Variants in LAMA4 observed in about 807,000 individuals in gnomAD.
The protein encoded by LAMA4 is laminin subunit alpha-4.
In LAMA4, 127 loss-of-function variants were observed where a neutral mutation model predicts 207.1. That is an observed-to-expected ratio of 0.61 (90% confidence interval 0.53 to 0.71). The LOEUF (loss-of-function observed/expected upper bound fraction) is 0.71, where lower values mean the gene tolerates loss of function less well. Among genes scored for constraint, LAMA4 ranks in the 30% least tolerant of loss-of-function variants. The pLI, the probability that LAMA4 is intolerant of heterozygous loss-of-function variation, is 0.00. For missense variants in LAMA4, 2,093 were observed against 2,246.5 expected, an observed-to-expected ratio of 0.93 and a Z score of 1.38; for synonymous variants, 761 against 816.0, an observed-to-expected ratio of 0.93 and a Z score of 1.15.
chr6:112,145,249 G>A (rs1229827202), intron 18 of LAMA4, among the ~76,000 whole-genome samples: 1 of 152,200 alleles, frequency 6.6e-6, no homozygotes, highest in Non-Finnish European at 1.5e-5. Context: ...CTGCCCTGCC[G>A]ATGCCATGCA....
intron 19 of LAMA4, among the ~76,000 whole-genome samples, chr6:112,143,556 T>C (rs1333938036): frequency 1.3e-5 from 2 of 152,322 alleles, no homozygotes; most frequent in African/African-American, 2.4e-5. Context: ...AGTGCTGAGA[T>C]TACAGGCATG....
intron 14 of LAMA4, among the ~76,000 whole-genome samples, chr6:112,157,679 A>T (rs1338639679): frequency 6.6e-6 from 1 of 152,216 alleles, no homozygotes; most frequent in African/African-American, 2.4e-5. Context: ...AATGAATGGG[A>T]TGTAGGTACA....
intron 18 of LAMA4, among the ~76,000 whole-genome samples, 153 bp downstream of exon 18, chr6:112,148,004 G>A (rs1583715414): frequency 6.6e-6 from 1 of 152,130 alleles, no homozygotes; most frequent in African/African-American, 2.4e-5. Flanking sequence ...ATAGATAGAT[G>A]AACAGTGCAA....
chr6:112,119,345 G>C (rs1554325327), intron 33 of LAMA4, 34 bp from the exon 34 acceptor site: 1 of 1,608,924 alleles, frequency 6.2e-7, no homozygotes. Context: ...CACATCTCAG[G>C]TACATTCCAA....
At chr6:112,230,873 T>A (rs1267658605) in intron 2 of LAMA4, among the ~76,000 whole-genome samples, 1 of 152,226 alleles carries the variant, frequency 6.6e-6, no homozygotes, top group Non-Finnish European at 1.5e-5. Flanking sequence ...AAGGACTGTA[T>A]CTAATTCTTA....
At chr6:112,211,081 G>T (rs1031531712) in intron 3 of LAMA4, among the ~76,000 whole-genome samples, 1 of 151,888 alleles carries the variant, frequency 6.6e-6, no homozygotes, top group Non-Finnish European at 1.5e-5. Context: ...CAATGTGCAC[G>T]TGAATCCCCT....
intron 9 of LAMA4, among the ~76,000 whole-genome samples, chr6:112,183,950 CA>C (rs782424211): frequency 0.032 from 2,651 of 81,700 alleles, 50 homozygotes; most frequent in African/African-American, 0.11. Flanking sequence ...GACTCCATCT[CA>C]AAAAAAAAAA....
intron 19 of LAMA4, 125 bp from the exon 20 acceptor site, chr6:112,142,417 C>G: frequency 2.4e-6 from 2 of 845,476 alleles, no homozygotes; most frequent in Non-Finnish European, 4.0e-6. Context: ...TAGTTATTTA[C>G]CACATCCTCC....
At chr6:112,219,915 T>G (rs183734211) in intron 2 of LAMA4, among the ~76,000 whole-genome samples, 1 of 152,172 alleles carries the variant, frequency 6.6e-6, no homozygotes, top group Non-Finnish European at 1.5e-5. Context: ...TCCTTCATTT[T>G]TTCCCTCAAG....
At chr6:112,131,339 T>G (rs1326703218) in intron 28 of LAMA4, among the ~76,000 whole-genome samples, 1 of 152,172 alleles carries the variant, frequency 6.6e-6, no homozygotes, top group East Asian at 1.9e-4. Flanking sequence ...CTGAAAATTT[T>G]TGATGACTTT....
At position 112,117,475 on chromosome 6, in the gene LAMA4, T is replaced by C. The variant is rs1360349831; in HGVS notation, c.4981+264A>G. On this transcript the variant is annotated intron_variant, in intron 35 of 38. Coordinates refer to ENST00000230538, the MANE Select transcript of LAMA4 (RefSeq NM_001105206.3). The surrounding 1 kb of genome is among the most constrained non-coding windows in gnomAD (Gnocchi z 4.5). Reference sequence around the variant, plus strand: ...ACATGGATCAGGCCACGGAGCAGCATAGACATTCTAAAGGAGCCCAGGTGG... The same window carrying C: ...ACATGGATCAGGCCACGGAGCAGCACAGACATTCTAAAGGAGCCCAGGTGG... Among the ~76,000 whole-genome samples, 1 of 152,102 alleles carries C rather than the reference T, an allele frequency of 6.6e-6. No individual in the cohort carries two copies. Among genetic ancestry groups the C allele is most frequent in the Admixed American group, 6.6e-5 (1 of 15,266 alleles).
chr6:112,114,294 C>T (rs1219080573), intron 37 of LAMA4, 99 bp from the exon 38 acceptor site: 3 of 1,201,590 alleles, frequency 2.5e-6, no homozygotes, highest in Non-Finnish European at 2.5e-6. Context: ...TTATTTATTC[C>T]AGAATAAAAC....
intron 2 of LAMA4, among the ~76,000 whole-genome samples, chr6:112,222,171 T>G (rs1226009193): frequency 1.3e-5 from 2 of 152,242 alleles, no homozygotes; most frequent in Non-Finnish European, 2.9e-5. Flanking sequence ...AGACAATTAC[T>G]CACGCATCCT....
chr6:112,164,842 G>T (rs941237119), intron 13 of LAMA4, among the ~76,000 whole-genome samples: 7 of 152,190 alleles, frequency 4.6e-5, no homozygotes, highest in African/African-American at 1.4e-4. Context: ...ATTCAGTGGC[G>T]CAATGCCTGT....
intron 5 of LAMA4, 143 bp downstream of exon 5, chr6:112,201,465 G>A: frequency 1.3e-6 from 1 of 793,280 alleles, no homozygotes; most frequent in Non-Finnish European, 2.2e-6. Flanking sequence ...ACTTCCCTAA[G>A]GGGTTTTGAA....
At chr6:112,227,231 A>G (rs2115113041) in intron 2 of LAMA4, among the ~76,000 whole-genome samples, 1 of 151,938 alleles carries the variant, frequency 6.6e-6, no homozygotes, top group Admixed American at 6.6e-5. Context: ...CCACCATGCC[A>G]GGCTAATTTT....
chr6:112,133,296 G>C, intron 27 of LAMA4, 53 bp downstream of exon 27: 1 of 1,592,844 alleles, frequency 6.3e-7, no homozygotes, highest in Non-Finnish European at 8.6e-7. Context: ...TCCAGCTTTT[G>C]AGAGTGATAA....
intron 9 of LAMA4, chr6:112,179,113 T>C (rs1782195106): frequency 1.3e-5 from 2 of 152,178 alleles, no homozygotes; most frequent in South Asian, 4.1e-4. Context: ...TCAAGCAGAT[T>C]TGGCTCAGCG....
chr6:112,146,205 G>A (rs1363982428), intron 18 of LAMA4, among the ~76,000 whole-genome samples: 4 of 151,930 alleles, frequency 2.6e-5, no homozygotes, highest in Admixed American at 1.3e-4. Flanking sequence ...CGGGAGAATC[G>A]CTTGAACCCG....
Sources: gnomAD v4.1 joint callset for allele counts (sites outside exome capture counted in the v4.1 genomes callset) on GRCh38, gnomAD v4.1.1 for gene constraint, Gnocchi (gnomAD v3.1) non-coding constraint, MANE v1.5 for transcripts, NCBI Gene and HGNC (gene_info 2026-07-23, HGNC 2026-07-21) for gene names.